Variants in PRKN observed in about 807,000 individuals in gnomAD.
PRKN encodes the protein parkin RBR E3 ubiquitin protein ligase, also known as E3 ubiquitin-protein ligase parkin.
In PRKN, 56 loss-of-function variants were observed where a neutral mutation model predicts 59.5. The observed-to-expected ratio is 0.94, with a 90% CI of 0.76 to 1.18. The LOEUF (loss-of-function observed/expected upper bound fraction) is 1.18, where lower values mean the gene tolerates loss of function less well. Among genes scored for constraint, PRKN ranks in the 50% most tolerant of loss-of-function variants. PRKN has a pLI of 0.00. For missense variants in PRKN, 657 were observed against 596.4 expected, an observed-to-expected ratio of 1.10 and a Z score of -1.06; for synonymous variants, 250 against 222.1, an observed-to-expected ratio of 1.13 and a Z score of -1.12.
At chr6:162,423,034 T>A (rs1025573482) in intron 2 of PRKN, among the ~76,000 whole-genome samples, 4 of 151,916 alleles carry the variant, frequency 2.6e-5, no homozygotes, top group Non-Finnish European at 5.9e-5. Context: ...CTGGATTCTT[T>A]GCCTTTCATT....
intron 4 of PRKN, among the ~76,000 whole-genome samples, chr6:162,101,871 T>C (rs1055020971): frequency 6.6e-6 from 1 of 152,154 alleles, no homozygotes; most frequent in Non-Finnish European, 1.5e-5. Flanking sequence ...CCTGAAAACT[T>C]TACTGTGTAT....
intron 6 of PRKN, among the ~76,000 whole-genome samples, chr6:161,906,659 C>CATATATATATATATTTATAT (rs1778155378): frequency 8.6e-6 from 1 of 116,588 alleles, no homozygotes; most frequent in African/African-American, 3.5e-5. Context: ...ATAGAACATA[C>CATATATATATATATTTATAT]ATATATATAT....
chr6:162,386,443 G>C (rs923214131), intron 2 of PRKN, among the ~76,000 whole-genome samples: 1 of 152,114 alleles, frequency 6.6e-6, no homozygotes, highest in African/African-American at 2.4e-5. Flanking sequence ...GTGAAATCTT[G>C]TCTCTGCTCC....
chr6:161,593,829 C>G lies in PRKN; in HGVS notation c.872-24413G>C, dbSNP rs1215937461. 6.6e-6 allele frequency among the ~76,000 whole-genome samples: 1 copy of G among 152,048 alleles called. No individual in the cohort carries two copies. On this transcript the variant is annotated intron_variant, in intron 7 of 11. Coordinates refer to ENST00000366898, the MANE Select transcript of PRKN (RefSeq NM_004562.3). This position sits in a 1 kb window ranked among gnomAD's most constrained non-coding sequence, Gnocchi z 4.8. ...GAGTGACACACCAAGTCATGATGCT[C>G]AGGGGTCAAATAGGTGGAGGTGATA...
At chr6:161,366,916 T>C (rs1220297139) in intron 10 of PRKN, among the ~76,000 whole-genome samples, 1 of 152,120 alleles carries the variant, frequency 6.6e-6, no homozygotes, top group African/African-American at 2.4e-5. Flanking sequence ...TTTTTGTTTT[T>C]TTTCTTGCTC....
chr6:162,681,207 G>A (rs1280866832), intron 1 of PRKN, among the ~76,000 whole-genome samples: 2 of 152,094 alleles, frequency 1.3e-5, no homozygotes, highest in African/African-American at 4.8e-5. Context: ...ATGCAGAAAT[G>A]TACCAAAGAA....
chr6:161,879,341 CTTTTTTTTTTTT>C (rs72163881), intron 6 of PRKN, among the ~76,000 whole-genome samples: 5 of 112,228 alleles, frequency 4.5e-5, no homozygotes, highest in African/African-American at 1.8e-4. Context: ...ACATTTCTGC[CTTTTTTTTTTTT>C]TTTTTTTTGA....
chr6:161,913,424 T>C (rs1778441607), intron 6 of PRKN, among the ~76,000 whole-genome samples: 1 of 152,206 alleles, frequency 6.6e-6, no homozygotes, highest in South Asian at 2.1e-4. Flanking sequence ...ATTTGAAATA[T>C]GTTCAAGCTC....
intron 6 of PRKN, among the ~76,000 whole-genome samples, chr6:161,967,254 T>C (rs978909026): frequency 6.7e-6 from 1 of 149,708 alleles, no homozygotes; most frequent in Admixed American, 6.7e-5. Flanking sequence ...TCGGCCTACA[T>C]GTTACAACAT....
rs973511085 is a variant in PRKN, at chr6:162,636,800, C to T, written c.7+90862G>A. 5.9e-5 allele frequency among the ~76,000 whole-genome samples: 9 copies of T among 151,944 alleles called. No individual in the cohort carries two copies. In the South Asian group the frequency reaches 1.7e-3, roughly 28 times the overall value. ...AGGAGTTCAAGACCAGCTTGGGCAA[C>T]ATACAGAGACTCAGTCTCATCTGGG... On this transcript the variant is annotated intron_variant, in intron 1 of 11. Coordinates refer to ENST00000366898, the MANE Select transcript of PRKN (RefSeq NM_004562.3).
At chr6:161,866,174 C>T (rs1376410819) in intron 6 of PRKN, among the ~76,000 whole-genome samples, 1 of 152,114 alleles carries the variant, frequency 6.6e-6, no homozygotes, top group African/African-American at 2.4e-5. Flanking sequence ...CTTATTTGGG[C>T]ATGGTTTTTG....
At chr6:161,580,412 A>G (rs925075388) in intron 7 of PRKN, among the ~76,000 whole-genome samples, 3 of 152,162 alleles carry the variant, frequency 2.0e-5, no homozygotes, top group African/African-American at 4.8e-5. Flanking sequence ...AATTCCAGAC[A>G]GTTAAATCCA....
chr6:161,984,750 T>C lies in PRKN; in HGVS notation c.619-11333A>G, dbSNP rs1165619635. ...AGAGCAAATGCTTCCACTATGTTTGTTGCTATTTCTTTACTTGTGCATATG... is the reference window on the plus strand; with the variant it reads ...AGAGCAAATGCTTCCACTATGTTTGCTGCTATTTCTTTACTTGTGCATATG... On this transcript the variant is annotated intron_variant, in intron 5 of 11. Coordinates refer to ENST00000366898, the MANE Select transcript of PRKN (RefSeq NM_004562.3). Among the ~76,000 whole-genome samples, 4 of 152,340 alleles carry C rather than the reference T, an allele frequency of 2.6e-5. No homozygotes were observed. The East Asian group carries it at 7.7e-4, about 29-fold the overall frequency.
At chr6:162,554,012 C>T (rs1431493706) in intron 1 of PRKN, among the ~76,000 whole-genome samples, 2 of 152,082 alleles carry the variant, frequency 1.3e-5, no homozygotes, top group African/African-American at 4.8e-5. Context: ...GCTCTGCAAG[C>T]ACCGCAGCTG....
intron 5 of PRKN, among the ~76,000 whole-genome samples, chr6:162,028,266 G>A (rs2128278288): frequency 6.6e-6 from 1 of 152,318 alleles, no homozygotes; most frequent in Middle Eastern, 3.4e-3. Context: ...ATTGCCATCA[G>A]TTTTCTATCT....
At chr6:161,696,529 T>A (rs892548676) in intron 7 of PRKN, among the ~76,000 whole-genome samples, 2 of 152,176 alleles carry the variant, frequency 1.3e-5, no homozygotes, top group African/African-American at 4.8e-5. Flanking sequence ...TTCTGCAAAG[T>A]TTCAAGGCTA....
chr6:161,912,296 C>A (rs925545281), intron 6 of PRKN, among the ~76,000 whole-genome samples: 1 of 151,928 alleles, frequency 6.6e-6, no homozygotes, highest in Non-Finnish European at 1.5e-5. Context: ...CTCTGACTAC[C>A]AATAAAATGT....
chr6:161,382,178 C>G (rs1786024009), intron 10 of PRKN, among the ~76,000 whole-genome samples: 1 of 149,300 alleles, frequency 6.7e-6, no homozygotes, highest in Admixed American at 6.7e-5. Context: ...AAAGCCCAGA[C>G]TTTTTGTGAA....
intron 7 of PRKN, among the ~76,000 whole-genome samples, chr6:161,670,126 G>A (rs1291471591): frequency 6.6e-6 from 1 of 152,174 alleles, no homozygotes; most frequent in Non-Finnish European, 1.5e-5. Flanking sequence ...AGCCCTGGGT[G>A]TTGGCAGGTA....
Sources: gnomAD v4.1 joint callset for allele counts (sites outside exome capture counted in the v4.1 genomes callset) on GRCh38, gnomAD v4.1.1 for gene constraint, Gnocchi (gnomAD v3.1) non-coding constraint, MANE v1.5 for transcripts, NCBI Gene and HGNC (gene_info 2026-07-23, HGNC 2026-07-21) for gene names.